The following PLEKHG4 variants were observed in gnomAD, a reference collection of about 807,000 sequenced individuals.
PLEKHG4 encodes the protein pleckstrin homology and RhoGEF domain containing G4, also known as puratrophin-1.
A neutral mutation model predicts 136.9 loss-of-function variants in PLEKHG4; 85 were observed. That is an observed-to-expected ratio of 0.62 (90% confidence interval 0.52 to 0.74). The LOEUF (loss-of-function observed/expected upper bound fraction) is 0.74, where lower values mean the gene tolerates loss of function less well. PLEKHG4 is among the 30% of genes least tolerant of loss of function. The pLI is 0.00. For missense variants in PLEKHG4, 1,317 were observed against 1,527.8 expected (o/e 0.86, Z 2.30); for synonymous variants, 577 against 646.9 (o/e 0.89, Z 1.64).
rs374794190 is a variant in PLEKHG4, at chr16:67,280,578, G to C, written c.499+35G>C. The C allele has an allele frequency of 6.2e-7, 1 of 1,612,960 alleles. No homozygotes were observed. Among genetic ancestry groups the C allele is most frequent in the Non-Finnish European group, 8.5e-7 (1 of 1,179,890 alleles). On this transcript the variant is annotated intron_variant, in intron 2 of 21. Coordinates refer to ENST00000379344, the MANE Select transcript of PLEKHG4 (RefSeq NM_001129729.3). This position sits in a 1 kb window ranked among gnomAD's most constrained non-coding sequence, Gnocchi z 4.4. ...GCTGGGCTAGGGAAGTCTGGGAAGG[G>C]AATGGGGATGCCTGGAGAGATGAGT...
chr16:67,280,657 A>G lies in PLEKHG4; in HGVS notation c.500-54A>G. Reference sequence around the variant, plus strand: ...CTCAGGCTGAAGCCCGGGTCCAAGTAGGGGTCTCTGGATAGGTGGTCCAAG... The same window carrying G: ...CTCAGGCTGAAGCCCGGGTCCAAGTGGGGGTCTCTGGATAGGTGGTCCAAG... On this transcript the variant is annotated intron_variant, in intron 2 of 21. Coordinates refer to ENST00000379344, the MANE Select transcript of PLEKHG4 (RefSeq NM_001129729.3). The surrounding 1 kb of genome is among the most constrained non-coding windows in gnomAD (Gnocchi z 4.4). 6.2e-7 allele frequency: 1 copy of G among 1,612,728 alleles called. No individual in the cohort carries two copies. The highest frequency in any genetic ancestry group is 8.5e-7 in the Non-Finnish European group (1 of 1,178,952).
Position 67,288,318 on chromosome 16 carries a change from T to C in PLEKHG4, c.3372T>C (p.Gly1124=). 1 of 1,612,428 alleles carries C rather than the reference T, an allele frequency of 6.2e-7. No individual in the cohort carries two copies. The highest frequency in any genetic ancestry group is 8.5e-7 in the Non-Finnish European group (1 of 1,179,988). Residue 1124 remains glycine, a synonymous_variant, in exon 20 of 22, where the codon GGT becomes GGC. Transcript: ENST00000379344. ...TGTACAGAGACCCAGCTCTTCTGGGTCTCCGCTGTCCCCTGTATCCCAGCT... is the reference window on the plus strand; with the variant it reads ...TGTACAGAGACCCAGCTCTTCTGGGCCTCCGCTGTCCCCTGTATCCCAGCT... ...LHLYRDPALL[G]LRCPLYPSFP...
Position 67,284,878 on chromosome 16 carries a change from G to T in PLEKHG4, c.1858G>T (p.Ala620Ser). 1 of 1,612,730 alleles carries T rather than the reference G, an allele frequency of 6.2e-7. No individual in the cohort carries two copies. The highest frequency in any genetic ancestry group is 8.5e-7 in the Non-Finnish European group (1 of 1,179,762). Reference protein sequence around the residue: ...WALATGLGSEAIRQECRWAWA... With the variant: ...WALATGLGSESIRQECRWAWA... ...TCTGGCCACGGGGCTGGGCTCAGAG[G>T]CCATCCGCCAGGAGTGCCGCTGGGC... The change falls in exon 13 of 22, where the codon GCC becomes TCC. Residue 620 changes from alanine to serine, a missense_variant. Physicochemically the swap from Ala to Ser is moderately conservative, Grantham distance 99. Transcript: ENST00000379344. This position sits in a 1 kb window ranked among gnomAD's most constrained non-coding sequence, Gnocchi z 4.4.
rs915196520 is a variant in PLEKHG4, at chr16:67,279,601, G to A, written c.-195G>A. The A allele has an allele frequency of 6.5e-6, 1 of 154,090 alleles. No individual in the cohort carries two copies. The highest frequency in any genetic ancestry group is 1.4e-5 in the Non-Finnish European group (1 of 69,288). The allele number at this position is 154,090 out of a possible 1,614,324, so 9.5% of individuals were successfully genotyped here. On this transcript the variant is annotated 5_prime_UTR_variant, in exon 1 of 22. Coordinates refer to ENST00000379344, the MANE Select transcript of PLEKHG4 (RefSeq NM_001129729.3). Reference sequence around the variant, plus strand: ...CTGTTCGAAGGCTGTCCGACTTCACGGTTCCCCGCGGCTCGGCCCGGGGGC... The same window carrying A: ...CTGTTCGAAGGCTGTCCGACTTCACAGTTCCCCGCGGCTCGGCCCGGGGGC...
upstream of PLEKHG4, chr16:67,279,306 GT>G (rs2036097730): frequency 1.3e-5 from 2 of 152,372 alleles, no homozygotes; most frequent in South Asian, 3.7e-4. Flanking sequence ...GGGCCCGGGG[GT>G]GCGGCGGGGC....
At chr16:67,283,487 T>C (rs2036320543) in intron 11 of PLEKHG4, among the ~76,000 whole-genome samples, 1 of 152,022 alleles carries the variant, frequency 6.6e-6, no homozygotes, top group Non-Finnish European at 1.5e-5. Context: ...GAAGAGGCAA[T>C]TGCAGTAGTC....
chr16:67,285,606 T>G (rs2036434339), intron 14 of PLEKHG4, 70 bp downstream of exon 14: 1 of 1,549,208 alleles, frequency 6.5e-7, no homozygotes, highest in African/African-American at 1.4e-5. Context: ...GGGCACATGC[T>G]TGGTGCCAGT....
Position 67,288,717 on chromosome 16 carries a change from G to T in PLEKHG4, c.3571-86G>T, listed in dbSNP as rs1053812381. On this transcript the variant is annotated intron_variant, in intron 21 of 21. Coordinates refer to ENST00000379344, the MANE Select transcript of PLEKHG4 (RefSeq NM_001129729.3). The stretch of plus-strand genomic sequence containing the variant: ...AGGCCTTTACTTTGGGTAGAGCTTG[G>T]GGTGGGTGGGCCAGAGCCATTCCCC... The T allele has an allele frequency of 1.3e-4, 209 of 1,599,046 alleles. No individual in the cohort carries two copies. In the African/African-American group the frequency reaches 2.3e-3, roughly 18 times the overall value.
Position 67,284,383 on chromosome 16 carries a change from G to A in PLEKHG4, c.1618G>A (p.Glu540Lys). 1 of 1,614,138 alleles carries A rather than the reference G, an allele frequency of 6.2e-7. No individual in the cohort carries two copies. Among genetic ancestry groups the A allele is most frequent in the Non-Finnish European group, 8.5e-7 (1 of 1,180,026 alleles). ...RFLALRAQLTEFSRALAQRCQ... is the reference protein window; with the variant it reads ...RFLALRAQLTKFSRALAQRCQ... ...TCTGGCCCTGCGAGCCCAGCTGACT[G>A]AATTCTCTAGGGCTTTGGCCCAGCG... Residue 540 changes from glutamate (E) to lysine (K), a missense_variant, in exon 12 of 22, where the codon GAA becomes AAA. Glu to Lys is a moderately conservative substitution (Grantham distance 56). Coordinates refer to ENST00000379344, the MANE Select transcript of PLEKHG4 (RefSeq NM_001129729.3). This position sits in a 1 kb window ranked among gnomAD's most constrained non-coding sequence, Gnocchi z 4.4.
rs767457598 is a variant in PLEKHG4, at chr16:67,284,745, G to T, written c.1725G>T (p.Val575=). The T allele has an allele frequency of 6.2e-7, 1 of 1,613,948 alleles. No individual in the cohort carries two copies. ...CGTGGGCTGAGGAGGGGCAGCGAGTGTTGGCAGAGCTGGAGCAGGAACGCC... is the reference window on the plus strand; with the variant it reads ...CGTGGGCTGAGGAGGGGCAGCGAGTTTTGGCAGAGCTGGAGCAGGAACGCC... ...ALTWAEEGQR[V]LAELEQERPG... The change falls in exon 13 of 22, where the codon GTG becomes GTT. Residue 575 remains valine (V), a synonymous_variant. Coordinates refer to ENST00000379344, the MANE Select transcript of PLEKHG4 (RefSeq NM_001129729.3). This position sits in a 1 kb window ranked among gnomAD's most constrained non-coding sequence, Gnocchi z 4.4.
upstream of PLEKHG4, chr16:67,278,563 C>T (rs1481269016): frequency 6.6e-6 from 1 of 152,180 alleles, no homozygotes; most frequent in Non-Finnish European, 1.5e-5. Flanking sequence ...GACCTCAAAT[C>T]GCACAGCTAC....
intron 21 of PLEKHG4, 83 bp from the exon 22 acceptor site, chr16:67,288,720 T>A: frequency 6.3e-7 from 1 of 1,599,196 alleles, no homozygotes; most frequent in Non-Finnish European, 8.6e-7. Context: ...GAGCTTGGGG[T>A]GGGTGGGCCA....
At position 67,284,490 on chromosome 16, in the gene PLEKHG4, C is replaced by A. The variant is rs757166735; in HGVS notation, c.1692+33C>A. The A allele has an allele frequency of 1.9e-6, 3 of 1,607,460 alleles. No homozygotes were observed. The highest frequency in any genetic ancestry group is 2.2e-5 in the South Asian group (2 of 90,752). ...AGAGTCTCCCCAGCTCCAAGTGATC[C>A]ATGAGGCCGGAGGGATGGCAGCCCC... is the stretch of plus-strand genomic sequence containing the variant. On this transcript the variant is annotated intron_variant, in intron 12 of 21. Transcript: ENST00000379344. This position sits in a 1 kb window ranked among gnomAD's most constrained non-coding sequence, Gnocchi z 4.4.
chr16:67,284,682 C>T lies in PLEKHG4; in HGVS notation c.1693-31C>T, dbSNP rs375725751. 1.6e-5 allele frequency: 25 copies of T among 1,610,900 alleles called. No homozygotes were observed. Among genetic ancestry groups the T allele is most frequent in the African/African-American group, 1.2e-4 (9 of 74,886 alleles). ...GCCCAGCAGGCTTGGCAGGATCTTCCTCTAATGCTTGTCCGGCCCTGGTGT... is the reference window on the plus strand; with the variant it reads ...GCCCAGCAGGCTTGGCAGGATCTTCTTCTAATGCTTGTCCGGCCCTGGTGT... On this transcript the variant is annotated intron_variant, in intron 12 of 21. Transcript: ENST00000379344. The surrounding 1 kb of genome is among the most constrained non-coding windows in gnomAD (Gnocchi z 4.4).
Position 67,289,110 on chromosome 16 carries a change from GCT to G in PLEKHG4, c.*303_*304del. ...TAGAGCAGACATTGGGTGTTTCCAT[GCT>G]GTAGGCTGGTGGGGGACCATGTGCC... On this transcript the variant is annotated 3_prime_UTR_variant, in exon 22 of 22. Transcript: ENST00000379344. 2 of 533,814 alleles carry G rather than the reference GCT, an allele frequency of 3.7e-6. No individual in the cohort carries two copies. Among genetic ancestry groups the G allele is most frequent in the Non-Finnish European group, 6.8e-6 (2 of 294,022 alleles). The allele number at this position is 533,814 out of a possible 1,614,324, so 33.1% of individuals were successfully genotyped here. A position where few individuals can be genotyped will look rare whatever the true frequency, so the allele number is the denominator to read the frequency against.
At position 67,280,321 on chromosome 16, in the gene PLEKHG4, C is replaced by G; in HGVS notation, c.277C>G (p.Leu93Val). 1.9e-6 allele frequency: 3 copies of G among 1,613,710 alleles called. No homozygotes were observed. Among genetic ancestry groups the G allele is most frequent in the Non-Finnish European group, 2.5e-6 (3 of 1,179,938 alleles). ...QRGTVESSSV[L>V]SEGPGPSGVE... ...GGGCACAGTAGAAAGCTCCTCAGTC[C>G]TGTCAGAAGGGCCAGGCCCCTCTGG... The change falls in exon 2 of 22, where the codon CTG (leucine) becomes GTG (valine). Residue 93 changes from leucine to valine, a missense_variant. Coordinates refer to ENST00000379344, the MANE Select transcript of PLEKHG4 (RefSeq NM_001129729.3). This position sits in a 1 kb window ranked among gnomAD's most constrained non-coding sequence, Gnocchi z 4.4.
rs910279465 is a variant in PLEKHG4, at chr16:67,279,573, C to A, written c.-223C>A. ...GCGCTGTAGTGGCCGTCGAGGCCGC[C>A]GTCTGTTCGAAGGCTGTCCGACTTC... is the stretch of plus-strand genomic sequence containing the variant. On this transcript the variant is annotated 5_prime_UTR_variant, in exon 1 of 22. Coordinates refer to ENST00000379344, the MANE Select transcript of PLEKHG4 (RefSeq NM_001129729.3). 1.3e-5 allele frequency: 2 copies of A among 152,322 alleles called. No homozygotes were observed. Among genetic ancestry groups the A allele is most frequent in the African/African-American group, 4.8e-5 (2 of 41,414 alleles). 9.4% of individuals were successfully genotyped at this position (152,322 alleles called of 1,614,324 possible).
Position 67,284,656 on chromosome 16 carries a change from T to C in PLEKHG4, c.1693-57T>C, listed in dbSNP as rs1597381799. 3 of 1,599,296 alleles carry C rather than the reference T, an allele frequency of 1.9e-6. No homozygotes were observed. In the East Asian group the frequency reaches 6.7e-5, roughly 36 times the overall value. ...ATGGGGAGTGGGTAGAGGAGCAGAG[T>C]GCCCAGCAGGCTTGGCAGGATCTTC... On this transcript the variant is annotated intron_variant, in intron 12 of 21. Transcript: ENST00000379344. The surrounding 1 kb of genome is among the most constrained non-coding windows in gnomAD (Gnocchi z 4.4).
Position 67,280,914 on chromosome 16 carries a change from C to T in PLEKHG4, c.628C>T (p.Leu210Phe). The T allele has an allele frequency of 6.2e-7, 1 of 1,613,094 alleles. No homozygotes were observed. Among genetic ancestry groups the T allele is most frequent in the Non-Finnish European group, 8.5e-7 (1 of 1,180,016 alleles). The change falls in exon 4 of 22, where the codon CTT (leucine) becomes TTT (phenylalanine). Residue 210 changes from leucine (L) to phenylalanine (F), a missense_variant. Leu to Phe is a conservative substitution (Grantham distance 22). Coordinates refer to ENST00000379344, the MANE Select transcript of PLEKHG4 (RefSeq NM_001129729.3). The surrounding 1 kb of genome is among the most constrained non-coding windows in gnomAD (Gnocchi z 4.4). The stretch of plus-strand genomic sequence containing the variant: ...GGATGTCCAAGGCCGGGCAGTGCTG[C>T]TTCTGTGTGCCCACAGCCCAGCCTG... ...TRDVQGRAVL[L>F]LCAHSPAWLQ...
Sources: gnomAD v4.1 joint callset for allele counts (sites outside exome capture counted in the v4.1 genomes callset) on GRCh38, gnomAD v4.1.1 for gene constraint, Gnocchi (gnomAD v3.1) non-coding constraint, MANE v1.5 for transcripts, NCBI Gene and HGNC (gene_info 2026-07-23, HGNC 2026-07-21) for gene names.